SECISBP2: variants seen among roughly 807,000 people sequenced by gnomAD.
SECISBP2 encodes SECIS binding protein 2.
Under a neutral mutation model 98.2 loss-of-function variants are expected in SECISBP2, and 96 were observed. That is an observed-to-expected ratio of 0.98 (90% CI 0.83 to 1.16). The LOEUF is 1.16. Among genes scored for constraint, SECISBP2 ranks in the 50% most tolerant of loss-of-function variants. The pLI, the probability that SECISBP2 is intolerant of heterozygous loss-of-function variation, is 0.00. For synonymous variants in SECISBP2, 407 were observed against 370.2 expected (o/e 1.10, Z -1.14); for missense variants, 1,046 against 1,022.9 (o/e 1.02, Z -0.31).
chr9:89,344,262 G>C (rs941180560), intron 10 of SECISBP2, among the ~76,000 whole-genome samples: 64 of 152,172 alleles, frequency 4.2e-4, no homozygotes, highest in African/African-American at 1.4e-3. Flanking sequence ...TCTGTAGGCT[G>C]TCTGTTCACT....
At chr9:89,362,115 C>G (rs1287672695), downstream of SECISBP2, 1 of 571,560 alleles carries the variant, frequency 1.7e-6, no homozygotes, top group Non-Finnish European at 3.1e-6. Flanking sequence ...CTATCAAAGC[C>G]TGTTAGCCAT....
chr9:89,322,001 A>T (rs1184417339), intron 2 of SECISBP2, among the ~76,000 whole-genome samples: 1 of 152,234 alleles, frequency 6.6e-6, no homozygotes, highest in African/African-American at 2.4e-5. Flanking sequence ...ATAGCATCCT[A>T]AGTCAACTTT....
chr9:89,318,761 C>T, intron 1 of SECISBP2, 149 bp downstream of exon 1: 3 of 1,232,826 alleles, frequency 2.4e-6, no homozygotes, highest in Non-Finnish European at 3.1e-6. Flanking sequence ...TGGCCGCGAT[C>T]TTCGCGCCCC....
At chr9:89,334,049 A>G in intron 6 of SECISBP2, 1 of 1,070,834 alleles carries the variant, frequency 9.3e-7, no homozygotes, top group South Asian at 2.8e-5. Context: ...CTAAAGGAGT[A>G]GTGTTGCTGT....
intron 14 of SECISBP2, chr9:89,354,673 A>G: frequency 1.7e-6 from 1 of 577,924 alleles, no homozygotes; most frequent in Non-Finnish European, 2.2e-6. Flanking sequence ...CCCTCCCAAA[A>G]TCCAAGTTCA....
chr9:89,355,285 C>T, intron 14 of SECISBP2: 1 of 985,390 alleles, frequency 1.0e-6, no homozygotes, highest in Non-Finnish European at 1.2e-6. Context: ...ATCCTGTAGG[C>T]CAGATGCCTG....
At chr9:89,335,532 C>T (rs1448425685) in intron 7 of SECISBP2, among the ~76,000 whole-genome samples, 1 of 152,056 alleles carries the variant, frequency 6.6e-6, no homozygotes, top group East Asian at 1.9e-4. Context: ...GGGGCTTCAC[C>T]ATATTGGCTA....
At chr9:89,332,700 G>A (rs1827957031) in intron 5 of SECISBP2, 5 of 586,848 alleles carry the variant, frequency 8.5e-6, no homozygotes, top group East Asian at 2.9e-5. Context: ...GGAGTGCAGT[G>A]GCTAAATCAT....
chr9:89,360,184 T>C (rs1231280613), downstream of SECISBP2, among the ~76,000 whole-genome samples: 1 of 152,152 alleles, frequency 6.6e-6, no homozygotes, highest in African/African-American at 2.4e-5. Context: ...GAAGTAGATG[T>C]GGTCAGCCAG....
At chr9:89,354,682 C>A in intron 14 of SECISBP2, 1 of 715,750 alleles carries the variant, frequency 1.4e-6, no homozygotes, top group Non-Finnish European at 1.7e-6. Flanking sequence ...AATCCAAGTT[C>A]ACAGACCCCA....
Position 89,334,670 on chromosome 9 carries a change from A to G in SECISBP2, c.1029A>G (p.Glu343=). The change falls in exon 7 of 17, where the codon GAA becomes GAG. Residue 343 remains glutamate, a synonymous_variant. Coordinates refer to ENST00000375807, the MANE Select transcript of SECISBP2 (RefSeq NM_024077.5). ...DPKNVSIPSS[E]ALSSDPSYNK... is the part of the protein sequence containing the mutation. Reference sequence around the variant, plus strand: ...AAAATGTTAGTATACCATCTTCTGAAGCTTTATCTTCGGATCCTTCCTACA... The same window carrying G: ...AAAATGTTAGTATACCATCTTCTGAGGCTTTATCTTCGGATCCTTCCTACA... The G allele has an allele frequency of 6.2e-7, 1 of 1,614,102 alleles. No homozygotes were observed. The highest frequency in any genetic ancestry group is 8.5e-7 in the Non-Finnish European group (1 of 1,179,980).
chr9:89,340,084 T>C, intron 9 of SECISBP2, 131 bp downstream of exon 9: 1 of 680,560 alleles, frequency 1.5e-6, no homozygotes, highest in Non-Finnish European at 2.7e-6. Context: ...CATTCCTTCA[T>C]GAGAGAACTG....
intron 8 of SECISBP2, among the ~76,000 whole-genome samples, chr9:89,339,594 A>G (rs891806163): frequency 2.2e-4 from 33 of 152,336 alleles, no homozygotes; most frequent in African/African-American, 7.7e-4. Context: ...TCTCATGCCA[A>G]GGTGGTCCAA....
chr9:89,355,440 G>A, intron 14 of SECISBP2: 1 of 975,006 alleles, frequency 1.0e-6, no homozygotes, highest in Non-Finnish European at 1.2e-6. Flanking sequence ...GTCAGCATCA[G>A]GAGCTTGGCA....
chr9:89,332,697 A>G, intron 5 of SECISBP2: 1 of 579,580 alleles, frequency 1.7e-6, no homozygotes, highest in Non-Finnish European at 3.1e-6. Flanking sequence ...CAAGGAGTGC[A>G]GTGGCTAAAT....
In SECISBP2 at chr9:89,347,169, G is replaced by A. The variant is rs920660586; in HGVS notation, c.1602+121G>A. On this transcript the variant is annotated intron_variant, in intron 11 of 16. Transcript: ENST00000375807. The stretch of plus-strand genomic sequence containing the variant: ...ACTTGTATTACTTGAATATGTTGTA[G>A]TAAAACGTGTTAATGATACTCCAAC... 1.1e-5 allele frequency: 11 copies of A among 1,003,024 alleles called. No homozygotes were observed. In the South Asian group the frequency reaches 1.2e-4, roughly 11 times the overall value. 62.1% of individuals were successfully genotyped at this position (1,003,024 alleles called of 1,614,324 possible). A position where few individuals can be genotyped will look rare whatever the true frequency, so the allele number is the denominator to read the frequency against.
chr9:89,334,939 G>A (rs552185970), intron 7 of SECISBP2, among the ~76,000 whole-genome samples: 2 of 152,348 alleles, frequency 1.3e-5, no homozygotes, highest in South Asian at 2.1e-4. Flanking sequence ...GACGGGCCGG[G>A]TGCGGTGGCT....
At chr9:89,334,364 G>C (rs1391130333) in intron 6 of SECISBP2, among the ~76,000 whole-genome samples, 158 bp from the exon 7 acceptor site, 1 of 152,212 alleles carries the variant, frequency 6.6e-6, no homozygotes, top group Non-Finnish European at 1.5e-5. Context: ...AGAAAAACAA[G>C]TTTAGTGACT....
At chr9:89,336,080 G>GTTTTTTTT (rs1564372011) in intron 7 of SECISBP2, among the ~76,000 whole-genome samples, 6 of 44,546 alleles carry the variant, frequency 1.3e-4, no homozygotes, top group East Asian at 7.2e-4. Flanking sequence ...AATTTTAAGT[G>GTTTTTTTT]CTTTTTTTTT....
Sources: gnomAD v4.1 joint callset for allele counts (sites outside exome capture counted in the v4.1 genomes callset) on GRCh38, gnomAD v4.1.1 for gene constraint, MANE v1.5 for transcripts, NCBI Gene and HGNC (gene_info 2026-07-23, HGNC 2026-07-21) for gene names.